Variants in KCNIP4 observed in about 807,000 individuals in gnomAD.
KCNIP4 encodes potassium voltage-gated channel interacting protein 4.
Under a neutral mutation model 34.0 loss-of-function variants are expected in KCNIP4, and 12 were observed. That is an observed-to-expected ratio of 0.35 (90% CI 0.23 to 0.57). KCNIP4 has a LOEUF of 0.57. KCNIP4 is among the 20% of genes least tolerant of loss of function. The pLI is 0.83. For synonymous variants in KCNIP4, 124 were observed against 102.2 expected, an observed-to-expected ratio of 1.21 and a Z score of -1.29; for missense variants, 238 against 311.7, an observed-to-expected ratio of 0.76 and a Z score of 1.78.
rs1159306599 is a variant in KCNIP4, at chr4:20,839,432, T to C, written c.288+11111A>G. ...TATAAGAATATATTAGATTCCCCTATTTTAGATTATTCTTCAAAAAGCAAG... is the reference window on the plus strand; with the variant it reads ...TATAAGAATATATTAGATTCCCCTACTTTAGATTATTCTTCAAAAAGCAAG... On this transcript the variant is annotated intron_variant, in intron 3 of 8. Coordinates refer to ENST00000382152, the MANE Select transcript of KCNIP4 (RefSeq NM_025221.6). 2.0e-5 allele frequency among the ~76,000 whole-genome samples: 3 copies of C among 150,720 alleles called. No homozygotes were observed. In the Admixed American group the frequency reaches 2.0e-4, roughly 10 times the overall value.
intron 3 of KCNIP4, among the ~76,000 whole-genome samples, chr4:20,815,846 G>A (rs1206158755): frequency 3.3e-5 from 5 of 152,170 alleles, no homozygotes; most frequent in African/African-American, 7.2e-5. Context: ...AGTGAGACAT[G>A]TGAGACTTTT....
chr4:21,273,274 C>T (rs1184843952), intron 1 of KCNIP4, among the ~76,000 whole-genome samples: 2 of 152,258 alleles, frequency 1.3e-5, no homozygotes, highest in African/African-American at 2.4e-5. Context: ...GACCTACCTA[C>T]TGTATCCTCT....
At chr4:21,582,034 AATGGAATGGAATGGAATG>A (rs1741256856) in intron 1 of KCNIP4, 1 of 118,162 alleles carries the variant, frequency 8.5e-6, no homozygotes, top group African/African-American at 3.3e-5. Context: ...AATAGAATGG[AATGGAATGGAATGGAATG>A]GAATGGAATG....
In KCNIP4 at chr4:21,071,872, T is replaced by A. The variant is rs549903197; in HGVS notation, c.62-189163A>T. Among the ~76,000 whole-genome samples, 188 of 152,296 alleles carry A rather than the reference T, an allele frequency of 1.2e-3. 1 individual carries two copies. Among genetic ancestry groups the A allele is most frequent in the Non-Finnish European group, 1.9e-3 (126 of 68,020 alleles). Reference sequence around the variant, plus strand: ...GTGTTCTCATTGTTCAATTCCCATCTATGAGTGACAACATGTGGTGTTTGG... The same window carrying A: ...GTGTTCTCATTGTTCAATTCCCATCAATGAGTGACAACATGTGGTGTTTGG... On this transcript the variant is annotated intron_variant, in intron 1 of 8. Coordinates refer to ENST00000382152, the MANE Select transcript of KCNIP4 (RefSeq NM_025221.6).
At chr4:21,504,503 GA>G (rs1159579877) in intron 1 of KCNIP4, among the ~76,000 whole-genome samples, 21 of 134,660 alleles carry the variant, frequency 1.6e-4, no homozygotes, top group African/African-American at 5.3e-4. Flanking sequence ...AAGAAAGAAA[GA>G]AAGGAAGGAA....
At chr4:21,237,235 T>A (rs1759434447) in intron 1 of KCNIP4, among the ~76,000 whole-genome samples, 1 of 152,160 alleles carries the variant, frequency 6.6e-6, no homozygotes, top group African/African-American at 2.4e-5. Flanking sequence ...TGTGCTAAGG[T>A]GCTGGAGATA....
At chr4:20,924,541 C>G (rs1729714839) in intron 1 of KCNIP4, among the ~76,000 whole-genome samples, 1 of 152,122 alleles carries the variant, frequency 6.6e-6, no homozygotes, top group African/African-American at 2.4e-5. Flanking sequence ...ATCCTACAAT[C>G]TAGCACAAGC....
intron 2 of KCNIP4, among the ~76,000 whole-genome samples, chr4:20,856,065 C>A (rs1721539395): frequency 6.6e-6 from 1 of 152,148 alleles, no homozygotes. Flanking sequence ...TTCATTTGAA[C>A]AAATGGGTTG....
intron 1 of KCNIP4, among the ~76,000 whole-genome samples, chr4:21,630,328 G>A (rs995735505): frequency 6.6e-6 from 1 of 151,882 alleles, no homozygotes; most frequent in African/African-American, 2.4e-5. Context: ...AGCTGGGCCT[G>A]GTGGCACATG....
intron 1 of KCNIP4, among the ~76,000 whole-genome samples, chr4:21,606,750 C>T (rs1743718497): frequency 6.6e-6 from 1 of 152,150 alleles, no homozygotes; most frequent in African/African-American, 2.4e-5. Context: ...CGCATCACTA[C>T]ATCCAGCTAA....
At chr4:21,338,082 G>T (rs1045431880) in intron 1 of KCNIP4, among the ~76,000 whole-genome samples, 2 of 151,720 alleles carry the variant, frequency 1.3e-5, no homozygotes, top group African/African-American at 4.8e-5. Context: ...ACTAAGCATT[G>T]CTTCTGGATT....
At chr4:21,033,747 G>C (rs1741204265) in intron 1 of KCNIP4, among the ~76,000 whole-genome samples, 1 of 152,130 alleles carries the variant, frequency 6.6e-6, no homozygotes, top group African/African-American at 2.4e-5. Flanking sequence ...GAAGAATTTT[G>C]AAGCAACTAT....
intron 1 of KCNIP4, among the ~76,000 whole-genome samples, chr4:21,358,955 T>TC (rs1197926724): frequency 8.5e-5 from 13 of 152,110 alleles, no homozygotes; most frequent in African/African-American, 2.4e-4. Context: ...GATTAATGTC[T>TC]CATGTCTCCC....
chr4:21,745,596 A>G (rs1716720672), intron 1 of KCNIP4, among the ~76,000 whole-genome samples: 1 of 152,164 alleles, frequency 6.6e-6, no homozygotes, highest in Non-Finnish European at 1.5e-5. Flanking sequence ...TATATTATAC[A>G]GGTCCACATC....
intron 3 of KCNIP4, among the ~76,000 whole-genome samples, chr4:20,769,449 G>C (rs1304526556): frequency 6.6e-6 from 1 of 152,056 alleles, no homozygotes; most frequent in Non-Finnish European, 1.5e-5. Flanking sequence ...AGAAGACAGT[G>C]TCCATTTTGT....
At chr4:21,031,210 C>T (rs1046212277) in intron 1 of KCNIP4, among the ~76,000 whole-genome samples, 1 of 152,182 alleles carries the variant, frequency 6.6e-6, no homozygotes, top group Non-Finnish European at 1.5e-5. Context: ...TTCCCAAGTT[C>T]CTTGCACCTA....
chr4:21,215,570 G>T (rs1757496469), intron 1 of KCNIP4, among the ~76,000 whole-genome samples: 1 of 152,142 alleles, frequency 6.6e-6, no homozygotes, highest in African/African-American at 2.4e-5. Context: ...CTCTGTGCAT[G>T]CTGGGCACAT....
At chr4:21,356,690 T>G (rs376386243) in intron 1 of KCNIP4, among the ~76,000 whole-genome samples, 19 of 152,154 alleles carry the variant, frequency 1.2e-4, no homozygotes, top group African/African-American at 4.6e-4. Context: ...TGGAGGAACA[T>G]TCCATATTTG....
At chr4:21,519,858 T>C (rs1735370693) in intron 1 of KCNIP4, among the ~76,000 whole-genome samples, 3 of 140,012 alleles carry the variant, frequency 2.1e-5, no homozygotes, top group Non-Finnish European at 3.2e-5. Context: ...TATTTATATA[T>C]TTATTTATAT....
Sources: allele counts gnomAD v4.1 joint callset (sites outside exome capture counted in the v4.1 genomes callset), GRCh38; gene constraint gnomAD v4.1.1; transcripts MANE v1.5; gene names NCBI Gene and HGNC (gene_info 2026-07-23, HGNC 2026-07-21).